Variants in ZC3H12B observed in about 807,000 individuals in gnomAD.
ZC3H12B encodes zinc finger CCCH-type containing 12B.
In ZC3H12B, 7 loss-of-function variants were observed where a neutral mutation model predicts 43.9. The ratio of observed to expected loss-of-function variants is 0.16; its 90% CI spans 0.09 to 0.30. ZC3H12B has a LOEUF of 0.30. Among genes scored for constraint, ZC3H12B ranks in the 10% least tolerant of loss-of-function variants. The pLI is 1.00. For missense variants in ZC3H12B, 475 were observed against 670.2 expected (o/e 0.71, Z 3.22); for synonymous variants, 222 against 241.7 (o/e 0.92, Z 0.76).
chrX:65,443,980 G>A (rs1271309969), intron 3 of ZC3H12B, among the ~76,000 whole-genome samples: 1 of 112,285 alleles, frequency 8.9e-6, no homozygotes, highest in African/African-American at 3.2e-5. Context: ...TATGTTGATT[G>A]AAGAGTTTGC....
chrX:65,363,263 G>T, upstream of ZC3H12B, among the ~76,000 whole-genome samples: 1 of 110,723 alleles, frequency 9.0e-6, no homozygotes, highest in African/African-American at 3.3e-5. Flanking sequence ...AAAGGATATC[G>T]GGTATCCCCC....
the ZC3H12B span, among the ~76,000 whole-genome samples, chrX:65,177,512 A>C: frequency 2.7e-5 from 3 of 112,055 alleles, no homozygotes; most frequent in East Asian, 8.4e-4. Context: ...GATGACATGA[A>C]TGTATTTTTA....
chrX:65,463,745 C>A (rs763692363), intron 3 of ZC3H12B, among the ~76,000 whole-genome samples: 1 of 111,218 alleles, frequency 9.0e-6, no homozygotes, highest in Non-Finnish European at 1.9e-5. Context: ...CCCAGGCATT[C>A]AAAATATGCT....
intron 3 of ZC3H12B, among the ~76,000 whole-genome samples, chrX:65,466,136 C>G (rs1051965024): frequency 1.8e-5 from 2 of 110,059 alleles, no homozygotes; most frequent in African/African-American, 6.6e-5. Context: ...AACTTTATAC[C>G]CCTTGACAGA....
At position 65,483,484 on chromosome X, in the gene ZC3H12B, T is replaced by C. The variant is rs371852084; in HGVS notation, n.408-5162T>C. 4.5e-5 allele frequency among the ~76,000 whole-genome samples: 5 copies of C among 112,014 alleles called. No individual in the cohort carries two copies. In the East Asian group the frequency reaches 1.4e-3, roughly 31 times the overall value. ...CAAACTCTTTTGCCTCCAAAGTATC[T>C]GAGAAAGCCTTTACTTTATAGTTCT... On this transcript the variant is annotated intron_variant and non_coding_transcript_variant, in intron 3 of 5. Transcript: ENST00000617377.
the ZC3H12B span, among the ~76,000 whole-genome samples, chrX:65,139,433 T>G: frequency 8.9e-6 from 1 of 111,873 alleles, no homozygotes; most frequent in Admixed American, 9.5e-5. Context: ...TATTTTTCTG[T>G]ATTGGCCTAT....
the ZC3H12B span, among the ~76,000 whole-genome samples, chrX:65,212,455 T>C: frequency 1.7e-5 from 1 of 59,364 alleles, no homozygotes; most frequent in Non-Finnish European, 2.5e-5. Flanking sequence ...ATATATTATA[T>C]AATATGTAAT....
At chrX:65,452,170 A>T (rs2067524201) in intron 3 of ZC3H12B, among the ~76,000 whole-genome samples, 1 of 111,546 alleles carries the variant, frequency 9.0e-6, no homozygotes. Flanking sequence ...TAGTACTGGA[A>T]GTCCTAGCCA....
chrX:65,229,431 C>G, the ZC3H12B span, among the ~76,000 whole-genome samples: 2 of 107,442 alleles, frequency 1.9e-5, no homozygotes, highest in South Asian at 4.1e-4. Flanking sequence ...CATAAAAACC[C>G]TAGAAGAAAA....
chrX:65,066,965 T>A, the ZC3H12B span, among the ~76,000 whole-genome samples: 1 of 111,529 alleles, frequency 9.0e-6, no homozygotes, highest in South Asian at 3.8e-4. Context: ...TACTCCATCC[T>A]CAGTGATGGC....
At chrX:65,326,485 G>A in the ZC3H12B span, among the ~76,000 whole-genome samples, 3 of 110,306 alleles carry the variant, frequency 2.7e-5, no homozygotes, top group Admixed American at 2.9e-4. Context: ...GAGCAGATAA[G>A]GGGTGACCAC....
At chrX:65,449,720 G>A (rs2067442903) in intron 3 of ZC3H12B, among the ~76,000 whole-genome samples, 1 of 111,625 alleles carries the variant, frequency 9.0e-6, no homozygotes, top group Admixed American at 9.5e-5. Context: ...GATGCAGCTG[G>A]AGGCCATTAT....
chrX:65,156,997 T>C, the ZC3H12B span, among the ~76,000 whole-genome samples: 2 of 111,732 alleles, frequency 1.8e-5, no homozygotes, highest in African/African-American at 6.5e-5. Context: ...TTTATTAATT[T>C]TCAGACAGTG....
chrX:65,079,859 C>T, the ZC3H12B span, among the ~76,000 whole-genome samples: 1 of 110,762 alleles, frequency 9.0e-6, no homozygotes, highest in Non-Finnish European at 1.9e-5. Flanking sequence ...GAAAACATGA[C>T]CTCACCCAGT....
At chrX:65,271,065 G>A in the ZC3H12B span, 1 of 112,887 alleles carries the variant, frequency 8.9e-6, no homozygotes, top group African/African-American at 3.2e-5. Context: ...TAGAAAAGGT[G>A]ATATGACCAT....
At chrX:65,049,725 T>C in the ZC3H12B span, among the ~76,000 whole-genome samples, 41 of 111,517 alleles carry the variant, frequency 3.7e-4, no homozygotes, top group African/African-American at 1.2e-3. Context: ...GGGATTTTGA[T>C]GGGGATCACA....
the ZC3H12B span, among the ~76,000 whole-genome samples, chrX:65,221,933 G>C: frequency 1.8e-5 from 2 of 110,519 alleles, no homozygotes; most frequent in South Asian, 7.6e-4. Context: ...GATGAACATA[G>C]ATAGAAAAAT....
the ZC3H12B span, among the ~76,000 whole-genome samples, chrX:65,244,882 T>G: frequency 9.0e-6 from 1 of 111,255 alleles, no homozygotes; most frequent in Non-Finnish European, 1.9e-5. Flanking sequence ...TGCAAACTTT[T>G]CAGTGTTTTA....
intron 3 of ZC3H12B, among the ~76,000 whole-genome samples, chrX:65,454,759 G>A (rs1242119797): frequency 5.4e-5 from 6 of 111,163 alleles, no homozygotes; most frequent in East Asian, 2.8e-4. Flanking sequence ...TCACATGGCC[G>A]GGTACTCCTC....
Sources: gnomAD v4.1 joint callset for allele counts (sites outside exome capture counted in the v4.1 genomes callset) on GRCh38, gnomAD v4.1.1 for gene constraint, MANE v1.5 for transcripts, NCBI Gene and HGNC (gene_info 2026-07-23, HGNC 2026-07-21) for gene names.